WDPCP: variants seen among roughly 807,000 people sequenced by gnomAD.
WDPCP encodes WD repeat-containing and planar cell polarity effector protein fritz homolog.
WDPCP carries 71 observed loss-of-function variants against 93.1 expected under a neutral mutation model. The observed-to-expected ratio is 0.76, with a 90% CI of 0.63 to 0.93. The LOEUF is 0.93. Among genes scored for constraint, WDPCP ranks in the 40% least tolerant of loss-of-function variants. The pLI is 0.00. For missense variants in WDPCP, 844 were observed against 887.4 expected, an observed-to-expected ratio of 0.95 and a Z score of 0.62; for synonymous variants, 315 against 315.0, an observed-to-expected ratio of 1.00 and a Z score of 0.00.
chr2:63,135,885 C>T (rs538015495), intron 17 of WDPCP, among the ~76,000 whole-genome samples: 30 of 152,006 alleles, frequency 2.0e-4, no homozygotes, highest in Non-Finnish European at 3.2e-4. Flanking sequence ...GCACGTGTAC[C>T]GTGTCTGGCT....
chr2:63,572,728 T>TAAAAAAAAAAAAAA, intron 1 of WDPCP, among the ~76,000 whole-genome samples: 1 of 52,698 alleles, frequency 1.9e-5, no homozygotes, highest in Non-Finnish European at 3.5e-5. Flanking sequence ...AAAAAAAAAG[T>TAAAAAAAAAAAAAA]TGGACAGCAT....
At position 63,310,878 on chromosome 2, in the gene WDPCP, AAAGC is replaced by A. The variant is rs57880205; in HGVS notation, c.1812+2366_1812+2369del. Among the ~76,000 whole-genome samples the A allele has an allele frequency of 9.2e-3, 1,407 of 152,260 alleles. 29 individuals are homozygous for A. The highest frequency in any genetic ancestry group is 0.032 in the African/African-American group (1,315 of 41,548). ...TGTCTCAATCAATGAATGAATCAAT[AAAGC>A]AAGCAAGCAAGCAAGCCTAAACTAT... On this transcript the variant is annotated intron_variant, in intron 13 of 17. Transcript: ENST00000272321.
At chr2:63,241,705 G>A (rs1466920503) in intron 14 of WDPCP, among the ~76,000 whole-genome samples, 1 of 152,088 alleles carries the variant, frequency 6.6e-6, no homozygotes. Context: ...CTCAAATGAT[G>A]TTCTATCTCA....
intron 9 of WDPCP, among the ~76,000 whole-genome samples, chr2:63,412,002 A>G (rs1695057666): frequency 6.6e-6 from 1 of 152,184 alleles, no homozygotes. Flanking sequence ...AGATAGAGAA[A>G]GGAACAACCT....
At chr2:63,794,860 C>T (rs751006289) in intron 2 of WDPCP, among the ~76,000 whole-genome samples, 1 of 152,226 alleles carries the variant, frequency 6.6e-6, no homozygotes, top group Non-Finnish European at 1.5e-5. Context: ...ACTCTTCTAT[C>T]TAGTCATTTA....
intron 12 of WDPCP, among the ~76,000 whole-genome samples, chr2:63,319,621 G>A (rs1254964576): frequency 6.6e-6 from 1 of 152,156 alleles, no homozygotes; most frequent in African/African-American, 2.4e-5. Context: ...TGGGACTACA[G>A]GGGCCCACTA....
At chr2:63,275,594 A>G (rs1272442569) in intron 13 of WDPCP, among the ~76,000 whole-genome samples, 2 of 152,252 alleles carry the variant, frequency 1.3e-5, no homozygotes, top group African/African-American at 4.8e-5. Context: ...CTATATATCA[A>G]TAATGAACTA....
At chr2:63,454,727 T>G (rs192165271) in intron 6 of WDPCP, among the ~76,000 whole-genome samples, 27 of 152,114 alleles carry the variant, frequency 1.8e-4, no homozygotes, top group African/African-American at 6.0e-4. Flanking sequence ...CCCAATCAGA[T>G]TCAATGCAAA....
intron 2 of WDPCP, among the ~76,000 whole-genome samples, chr2:63,702,811 G>A (rs1282720181): frequency 6.6e-6 from 1 of 151,416 alleles, no homozygotes; most frequent in Non-Finnish European, 1.5e-5. Context: ...ATGTTGGTGT[G>A]CTGCACCGAT....
At chr2:63,604,891 CCTT>C (rs758574245) in intron 3 of WDPCP, 17 of 1,612,576 alleles carry the variant, frequency 1.1e-5, no homozygotes, top group South Asian at 9.9e-5. Context: ...AATCTGTGAG[CCTT>C]CTTAACACTG....
intron 14 of WDPCP, among the ~76,000 whole-genome samples, chr2:63,180,481 T>C (rs991285589): frequency 1.6e-4 from 25 of 152,166 alleles, no homozygotes; most frequent in African/African-American, 5.8e-4. Flanking sequence ...GATTATAGCC[T>C]CCAGTTCCAT....
chr2:63,829,818 A>AT (rs1330877333), upstream of WDPCP, among the ~76,000 whole-genome samples: 2 of 151,982 alleles, frequency 1.3e-5, no homozygotes, highest in African/African-American at 2.4e-5. Flanking sequence ...AAAATTAAAG[A>AT]TTTTTTCAGT....
intron 2 of WDPCP, among the ~76,000 whole-genome samples, chr2:63,765,698 C>T (rs548765775): frequency 6.6e-6 from 1 of 152,306 alleles, no homozygotes; most frequent in African/African-American, 2.4e-5. Context: ...TGGATCAAGT[C>T]TCAGACCAGG....
chr2:63,588,755 G>A (rs2106587851), upstream of WDPCP: 1 of 515,504 alleles, frequency 1.9e-6, no homozygotes, highest in Non-Finnish European at 3.5e-6. Flanking sequence ...CCAATCACAG[G>A]GGCTCATCCT....
intron 2 of WDPCP, among the ~76,000 whole-genome samples, chr2:63,700,090 C>T (rs906370825): frequency 3.3e-5 from 5 of 151,602 alleles, no homozygotes; most frequent in Admixed American, 2.6e-4. Flanking sequence ...GTTTGACACC[C>T]GCCTGGGCAA....
chr2:63,635,709 C>T (rs1709914015), intron 3 of WDPCP, among the ~76,000 whole-genome samples: 1 of 152,094 alleles, frequency 6.6e-6, no homozygotes. Flanking sequence ...TGTATTTCAA[C>T]ATAATAAAGG....
At chr2:63,523,585 T>G (rs1703098139) in intron 1 of WDPCP, among the ~76,000 whole-genome samples, 1 of 152,202 alleles carries the variant, frequency 6.6e-6, no homozygotes, top group Non-Finnish European at 1.5e-5. Flanking sequence ...CTCCTTGATC[T>G]GATAAACAAC....
At chr2:63,650,342 G>A (rs1225411118) in intron 3 of WDPCP, among the ~76,000 whole-genome samples, 1 of 152,172 alleles carries the variant, frequency 6.6e-6, no homozygotes, top group Non-Finnish European at 1.5e-5. Context: ...TTATGCTGCT[G>A]GTCCAGGGAC....
At chr2:63,359,464 G>T (rs1181027061) in intron 12 of WDPCP, among the ~76,000 whole-genome samples, 1 of 152,162 alleles carries the variant, frequency 6.6e-6, no homozygotes, top group East Asian at 1.9e-4. Context: ...AAACCCCAAT[G>T]AGGTATCATT....
Sources: gnomAD v4.1 joint callset for allele counts (sites outside exome capture counted in the v4.1 genomes callset) on GRCh38, gnomAD v4.1.1 for gene constraint, MANE v1.5 for transcripts, NCBI Gene and HGNC (gene_info 2026-07-23, HGNC 2026-07-21) for gene names.